Variants in ATP9A observed in about 807,000 individuals in gnomAD.
ATP9A encodes the protein probable phospholipid-transporting ATPase IIA.
A neutral mutation model predicts 144.1 loss-of-function variants in ATP9A; 52 were observed. That is an observed-to-expected ratio of 0.36 (90% CI 0.29 to 0.45). The LOEUF is 0.45. Among genes scored for constraint, ATP9A ranks in the 20% least tolerant of loss-of-function variants. ATP9A has a pLI of 1.00. For synonymous variants in ATP9A, 582 were observed against 557.4 expected (o/e 1.04, Z -0.62); for missense variants, 947 against 1,392.7 (o/e 0.68, Z 5.09).
intron 26 of ATP9A, among the ~76,000 whole-genome samples, chr20:51,607,040 A>T (rs1269554283): frequency 1.3e-5 from 2 of 151,278 alleles, no homozygotes; most frequent in African/African-American, 2.4e-5. Context: ...TAAATAAATA[A>T]ATATATATAT....
chr20:51,633,128 A>C (rs1186593759), intron 15 of ATP9A, among the ~76,000 whole-genome samples: 1 of 152,182 alleles, frequency 6.6e-6, no homozygotes, highest in Non-Finnish European at 1.5e-5. Flanking sequence ...CATCTCAAAA[A>C]ACAAAAACAA....
At chr20:51,626,870 A>C (rs1364066999) in intron 17 of ATP9A, among the ~76,000 whole-genome samples, 1 of 152,106 alleles carries the variant, frequency 6.6e-6, no homozygotes, top group African/African-American at 2.4e-5. Context: ...CAGCCTGGCC[A>C]ATATGGTGAA....
chr20:51,652,114 G>C (rs186201024), intron 14 of ATP9A, among the ~76,000 whole-genome samples: 1 of 152,144 alleles, frequency 6.6e-6, no homozygotes, highest in South Asian at 2.1e-4. Flanking sequence ...ACCCACTCTC[G>C]ACACTGTGGA....
At chr20:51,655,672 G>A (rs1342475497) in intron 14 of ATP9A, among the ~76,000 whole-genome samples, 3 of 152,224 alleles carry the variant, frequency 2.0e-5, no homozygotes, top group East Asian at 3.9e-4. Flanking sequence ...ACTGTCATAC[G>A]TTGCTGGTAG....
intron 1 of ATP9A, among the ~76,000 whole-genome samples, chr20:51,749,557 G>A (rs1038340902): frequency 2.6e-5 from 4 of 152,248 alleles, no homozygotes; most frequent in South Asian, 2.1e-4. Context: ...AGCCACTGCC[G>A]GCCAGAATGT....
intron 1 of ATP9A, among the ~76,000 whole-genome samples, chr20:51,736,664 T>C (rs1360543822): frequency 6.6e-6 from 1 of 152,156 alleles, no homozygotes; most frequent in Non-Finnish European, 1.5e-5. Context: ...CCTCACATTG[T>C]AGTGATAGCT....
chr20:51,652,751 T>G (rs1046437193), intron 14 of ATP9A, among the ~76,000 whole-genome samples: 1 of 152,146 alleles, frequency 6.6e-6, no homozygotes, highest in African/African-American at 2.4e-5. Context: ...ATCAATGCAT[T>G]CATGTGTTCT....
At chr20:51,732,020 G>A (rs1044441785) in intron 1 of ATP9A, among the ~76,000 whole-genome samples, 15 of 152,046 alleles carry the variant, frequency 9.9e-5, no homozygotes, top group African/African-American at 3.1e-4. Flanking sequence ...ACCAGCTGTC[G>A]GCAGAACGAC....
chr20:51,609,637 C>T (rs1035611066), intron 24 of ATP9A, among the ~76,000 whole-genome samples: 13 of 152,190 alleles, frequency 8.5e-5, no homozygotes, highest in Non-Finnish European at 1.6e-4. Context: ...CAGCCAAGCT[C>T]TGTTACTTGC....
At chr20:51,665,375 A>G (rs551037553) in intron 13 of ATP9A, among the ~76,000 whole-genome samples, 2 of 152,320 alleles carry the variant, frequency 1.3e-5, no homozygotes, top group East Asian at 3.9e-4. Context: ...CATATGCTTA[A>G]AAGAGCAAAT....
In ATP9A at chr20:51,627,625, G is replaced by C; in HGVS notation, c.1820C>G (p.Ala607Gly). Residue 607 changes from alanine to glycine, a missense_variant, in exon 17 of 28, where the codon GCA (alanine) becomes GGA (glycine). By Grantham distance (60) the Ala-to-Gly change is moderately conservative. This residue lies in a region of ATP9A where 770 missense variants were observed against 1,047.9 expected (regional missense o/e 0.73). Transcript: ENST00000338821. ...TTCAAAGTCCTGATACTGCTCCTCT[G>C]CAAGAGACTTCTTTGCCACCACGAG... ...RVLVVAKKSL[A>G]EEQYQDFEAR... 2 of 1,614,180 alleles carry C rather than the reference G, an allele frequency of 1.2e-6. No individual in the cohort carries two copies. Among genetic ancestry groups the C allele is most frequent in the Non-Finnish European group, 1.7e-6 (2 of 1,180,020 alleles).
intron 11 of ATP9A, among the ~76,000 whole-genome samples, chr20:51,672,347 C>A (rs937178235): frequency 6.6e-6 from 1 of 152,078 alleles, no homozygotes; most frequent in African/African-American, 2.4e-5. Flanking sequence ...ATTCATCATC[C>A]TATAAACTAA....
chr20:51,597,008 C>A lies in ATP9A; in HGVS notation c.*4203G>T, dbSNP rs1333641156. On this transcript the variant is annotated 3_prime_UTR_variant, in exon 28 of 28. Transcript: ENST00000338821. ...GAGGATTACAGAGAGAGAGATCAAC[C>A]AATGAGGAAATCACAGACTCTTACA... 3 of 152,162 alleles carry A rather than the reference C, an allele frequency of 2.0e-5. No individual in the cohort carries two copies. Among genetic ancestry groups the A allele is most frequent in the Non-Finnish European group, 2.9e-5 (2 of 68,042 alleles). 9.4% of individuals were successfully genotyped at this position (152,162 alleles called of 1,614,324 possible).
intron 14 of ATP9A, among the ~76,000 whole-genome samples, chr20:51,646,717 T>C (rs1239985359): frequency 6.7e-6 from 1 of 149,420 alleles, no homozygotes; most frequent in Non-Finnish European, 1.5e-5. Context: ...AATTTTGACA[T>C]AAAATCAAGT....
intron 1 of ATP9A, among the ~76,000 whole-genome samples, chr20:51,752,423 G>T (rs1435002135): frequency 6.6e-6 from 1 of 152,218 alleles, no homozygotes. Flanking sequence ...TCTCGCACGT[G>T]TTGACCACTA....
At position 51,601,367 on chromosome 20, in the gene ATP9A, C is replaced by T. The variant is rs768421556; in HGVS notation, c.3008-20G>A. On this transcript the variant is annotated intron_variant, in intron 27 of 27. Coordinates refer to ENST00000338821, the MANE Select transcript of ATP9A (RefSeq NM_006045.3). ...ACACATCTGCAAGGAAAGGGGAAGA[C>T]GGCAGTGAGCAGGCAGGAATATTCC... is the stretch of plus-strand genomic sequence containing the variant. 20 of 1,594,384 alleles carry T rather than the reference C, an allele frequency of 1.3e-5. No individual in the cohort carries two copies. Among genetic ancestry groups the T allele is most frequent in the East Asian group, 4.5e-5 (2 of 44,512 alleles).
chr20:51,621,853 C>A (rs1412220162), intron 19 of ATP9A, among the ~76,000 whole-genome samples: 1 of 152,156 alleles, frequency 6.6e-6, no homozygotes, highest in Non-Finnish European at 1.5e-5. Flanking sequence ...GGCATTAGCA[C>A]AGGGCTAGAA....
At chr20:51,643,513 C>G (rs938933903) in intron 14 of ATP9A, among the ~76,000 whole-genome samples, 3 of 152,040 alleles carry the variant, frequency 2.0e-5, no homozygotes, top group African/African-American at 4.8e-5. Context: ...GGATGTGTGC[C>G]TTTATGAAAG....
intron 14 of ATP9A, among the ~76,000 whole-genome samples, chr20:51,641,787 C>T (rs555472824): frequency 4.3e-4 from 61 of 141,460 alleles, no homozygotes; most frequent in Non-Finnish European, 8.2e-4. Context: ...GCCGAGGTCG[C>T]GCCATTGCAC....
Sources: gnomAD v4.1 joint callset for allele counts (sites outside exome capture counted in the v4.1 genomes callset) on GRCh38, gnomAD v4.1.1 for gene constraint, gnomAD v4.1.1 regional missense constraint, MANE v1.5 for transcripts, NCBI Gene and HGNC (gene_info 2026-07-23, HGNC 2026-07-21) for gene names.